Variants in KCTD18 observed in about 807,000 individuals in gnomAD.
KCTD18 encodes BTB/POZ domain-containing protein KCTD18.
KCTD18 carries 22 observed loss-of-function variants against 30.4 expected under a neutral mutation model. The observed-to-expected ratio is 0.72, with a 90% CI of 0.52 to 1.03. The LOEUF (loss-of-function observed/expected upper bound fraction) is 1.03, where lower values mean the gene tolerates loss of function less well. KCTD18 is among the 50% of genes least tolerant of loss of function. The pLI is 0.00. For synonymous variants in KCTD18, 186 were observed against 209.0 expected (o/e 0.89, Z 0.95); for missense variants, 529 against 547.6 (o/e 0.97, Z 0.34).
intron 1 of KCTD18, among the ~76,000 whole-genome samples, chr2:200,509,401 G>A (rs1357128382): frequency 1.3e-5 from 2 of 152,022 alleles, no homozygotes; most frequent in African/African-American, 2.4e-5. Flanking sequence ...CTCAAGACTT[G>A]GCTACGATAA....
In KCTD18 at chr2:200,489,131, G is replaced by A. The variant is rs1242103518; in HGVS notation, c.*969C>T. The A allele has an allele frequency of 6.6e-6, 1 of 152,514 alleles. No individual in the cohort carries two copies. Among genetic ancestry groups the A allele is most frequent in the African/African-American group, 2.4e-5 (1 of 41,396 alleles). 9.4% of individuals were successfully genotyped at this position (152,514 alleles called of 1,614,324 possible). A position where few individuals can be genotyped will look rare whatever the true frequency, so the allele number is the denominator to read the frequency against. ...ATACTCTCACTGAAAGTAGAAATAT[G>A]TGATCCAATTACAAAACATAACATT... On this transcript the variant is annotated 3_prime_UTR_variant, in exon 7 of 7. Transcript: ENST00000359878.
chr2:200,493,928 A>C (rs1007378572), intron 5 of KCTD18, among the ~76,000 whole-genome samples: 1 of 152,374 alleles, frequency 6.6e-6, no homozygotes, highest in South Asian at 2.1e-4. Flanking sequence ...ACCACTGTAC[A>C]AATATGAGAC....
chr2:200,505,020 A>G, intron 2 of KCTD18, 61 bp from the exon 3 acceptor site: 1 of 1,338,318 alleles, frequency 7.5e-7, no homozygotes. Flanking sequence ...AGATTTCAAC[A>G]AATCAAACTA....
At chr2:200,495,459 T>C (rs1255502293) in intron 5 of KCTD18, among the ~76,000 whole-genome samples, 1 of 152,208 alleles carries the variant, frequency 6.6e-6, no homozygotes, top group African/African-American at 2.4e-5. Context: ...ATAGATAAGA[T>C]AGATTCCAAG....
intron 5 of KCTD18, 107 bp downstream of exon 5, chr2:200,497,646 G>T: frequency 1.3e-6 from 1 of 785,978 alleles, no homozygotes; most frequent in Non-Finnish European, 2.2e-6. Context: ...TACATTGTAA[G>T]ACTCAAAAGA....
intron 2 of KCTD18, among the ~76,000 whole-genome samples, chr2:200,506,276 GAGCAGCCCC>G (rs765888728): frequency 6.6e-6 from 1 of 152,176 alleles, no homozygotes; most frequent in Non-Finnish European, 1.5e-5. Flanking sequence ...TGGAAGCAGA[GAGCAGCCCC>G]AGAACCCTAC....
chr2:200,508,570 A>C (rs1325889451), intron 1 of KCTD18, among the ~76,000 whole-genome samples: 2 of 152,066 alleles, frequency 1.3e-5, no homozygotes, highest in African/African-American at 4.8e-5. Context: ...AAAAGGCTCA[A>C]CTACATCCAT....
intron 5 of KCTD18, 73 bp downstream of exon 5, chr2:200,497,680 A>T (rs1025142923): frequency 1.1e-6 from 1 of 947,504 alleles, no homozygotes; most frequent in Non-Finnish European, 1.7e-6. Flanking sequence ...AAAGAAATGC[A>T]GTATTTGAGC....
At chr2:200,491,653 T>C (rs912575113) in intron 6 of KCTD18, among the ~76,000 whole-genome samples, 3 of 152,296 alleles carry the variant, frequency 2.0e-5, no homozygotes, top group East Asian at 1.9e-4. Flanking sequence ...TTACCATTCA[T>C]TATAAAAAGC....
intron 5 of KCTD18, 83 bp from the exon 6 acceptor site, chr2:200,493,357 G>C (rs1022083573): frequency 1.7e-5 from 14 of 823,626 alleles, no homozygotes; most frequent in South Asian, 1.5e-4. Context: ...AGACCTGCCA[G>C]AGTCTGAGGT....
intron 1 of KCTD18, among the ~76,000 whole-genome samples, chr2:200,508,120 T>C (rs1041099330): frequency 6.6e-5 from 10 of 152,240 alleles, no homozygotes; most frequent in African/African-American, 9.6e-5. Flanking sequence ...GTTTGTTTTT[T>C]GAGATGGAGT....
chr2:200,493,528 T>C (rs747193838), intron 5 of KCTD18, among the ~76,000 whole-genome samples: 10 of 152,212 alleles, frequency 6.6e-5, no homozygotes, highest in Non-Finnish European at 1.3e-4. Context: ...CAGGTTATGA[T>C]GCATACTCAG....
In KCTD18 at chr2:200,493,946, C is replaced by G. The variant is rs2087960692; in HGVS notation, c.662-672G>C. On this transcript the variant is annotated intron_variant, in intron 5 of 6. Transcript: ENST00000359878. The stretch of plus-strand genomic sequence containing the variant: ...ACTGTACAAATATGAGACATCACCA[C>G]CCGATAACCACCTTTTCCAACAAGA... Among the ~76,000 whole-genome samples, 5 of 152,324 alleles carry G rather than the reference C, an allele frequency of 3.3e-5. No individual in the cohort carries two copies. In the South Asian group the frequency reaches 1.0e-3, roughly 32 times the overall value.
chr2:200,507,904 G>A (rs1172701666), intron 1 of KCTD18, among the ~76,000 whole-genome samples: 1 of 152,016 alleles, frequency 6.6e-6, no homozygotes, highest in Non-Finnish European at 1.5e-5. Flanking sequence ...GAACTCCTGG[G>A]CTCAAGCAAT....
At chr2:200,499,190 A>T in intron 3 of KCTD18, 106 bp from the exon 4 acceptor site, 2 of 751,080 alleles carry the variant, frequency 2.7e-6, no homozygotes, top group Non-Finnish European at 4.2e-6. Flanking sequence ...GTTGATCATA[A>T]GGGAAATAAA....
chr2:200,507,780 G>A (rs776782840), intron 1 of KCTD18, among the ~76,000 whole-genome samples: 3 of 152,162 alleles, frequency 2.0e-5, no homozygotes, highest in Non-Finnish European at 2.9e-5. Context: ...TAATTCTTAA[G>A]TTAGGTAACT....
chr2:200,503,914 A>G (rs1481384122), intron 3 of KCTD18, among the ~76,000 whole-genome samples: 1 of 152,206 alleles, frequency 6.6e-6, no homozygotes, highest in East Asian at 1.9e-4. Flanking sequence ...TAAGACAAAA[A>G]CAGATAATTA....
At chr2:200,493,401 C>T (rs1227242963) in intron 5 of KCTD18, 127 bp from the exon 6 acceptor site, 13 of 644,884 alleles carry the variant, frequency 2.0e-5, no homozygotes, top group Non-Finnish European at 3.6e-5. Context: ...GAGGTGTGCA[C>T]AACATGAACA....
At chr2:200,501,813 T>C (rs2088089596) in intron 3 of KCTD18, among the ~76,000 whole-genome samples, 1 of 151,716 alleles carries the variant, frequency 6.6e-6, no homozygotes, top group South Asian at 2.1e-4. Flanking sequence ...TTATAAATCA[T>C]GCTGCTATAA....
Sources: gnomAD v4.1 joint callset for allele counts (sites outside exome capture counted in the v4.1 genomes callset) on GRCh38, gnomAD v4.1.1 for gene constraint, MANE v1.5 for transcripts, NCBI Gene and HGNC (gene_info 2026-07-23, HGNC 2026-07-21) for gene names.